TENM1: variants seen among roughly 807,000 people sequenced by gnomAD.
TENM1 encodes the protein teneurin-1.
In TENM1, 35 loss-of-function variants were observed where a neutral mutation model predicts 174.8. The ratio of observed to expected loss-of-function variants is 0.20; its 90% CI spans 0.15 to 0.27. The LOEUF (loss-of-function observed/expected upper bound fraction) is 0.27, where lower values mean the gene tolerates loss of function less well. Among genes scored for constraint, TENM1 ranks in the 10% least tolerant of loss-of-function variants. The probability of loss-of-function intolerance (pLI) is 1.00; values close to 1 mark genes in which losing one functional copy is unlikely to be tolerated. For synonymous variants in TENM1, 781 were observed against 798.7 expected (o/e 0.98, Z 0.37); for missense variants, 1,633 against 2,130.1 (o/e 0.77, Z 4.59).
At chrX:124,673,777 A>G (rs188513446) in intron 5 of TENM1, among the ~76,000 whole-genome samples, 1 of 111,088 alleles carries the variant, frequency 9.0e-6, no homozygotes, top group East Asian at 2.8e-4. Flanking sequence ...TTGTATACAC[A>G]TTCATGCATG....
At chrX:124,668,732 GA>G (rs1569378443) in intron 6 of TENM1, among the ~76,000 whole-genome samples, 1 of 110,652 alleles carries the variant, frequency 9.0e-6, no homozygotes, top group African/African-American at 3.3e-5. Context: ...ATAGCATTAG[GA>G]GATATACCTA....
chrX:124,527,951 C>T (rs1285916573), intron 16 of TENM1, among the ~76,000 whole-genome samples: 6 of 107,441 alleles, frequency 5.6e-5, no homozygotes, highest in African/African-American at 1.0e-4. Flanking sequence ...CCACCGTGCC[C>T]GGCCGACCTC....
exon 4 of TENM1, chrX:124,737,119 C>T (rs1293423465): frequency 8.3e-7 from 1 of 1,207,701 alleles, no homozygotes; most frequent in African/African-American, 1.8e-5. Context: ...CTTCCTGGCA[C>T]AGGTGCAGGC....
rs145180617 is a variant in TENM1, at chrX:124,818,582, C to T, written c.535+75714G>A. On this transcript the variant is annotated intron_variant, in intron 3 of 31. Coordinates refer to ENST00000422452, the Ensembl canonical transcript of TENM1. ...AAAATCTATTATATGGCAGGACATA[C>T]ACTCTTTATAATTCTCCTTTAGAGA... 5.4e-5 allele frequency among the ~76,000 whole-genome samples: 6 copies of T among 111,681 alleles called. No homozygotes were observed. The East Asian group carries it at 1.4e-3, about 26-fold the overall frequency.
chrX:124,660,876 C>A (rs183184764), intron 6 of TENM1, among the ~76,000 whole-genome samples: 1 of 112,056 alleles, frequency 8.9e-6, no homozygotes, highest in Non-Finnish European at 1.9e-5. Context: ...CATTCCACAA[C>A]TTGGTGTATA....
At chrX:124,731,950 T>C (rs1163305401) in intron 4 of TENM1, among the ~76,000 whole-genome samples, 1 of 111,886 alleles carries the variant, frequency 8.9e-6, no homozygotes, top group African/African-American at 3.3e-5. Flanking sequence ...TCTGGTCTTA[T>C]GTAACATTTG....
At chrX:125,155,517 G>A in the TENM1 span, among the ~76,000 whole-genome samples, 1 of 110,376 alleles carries the variant, frequency 9.1e-6, no homozygotes, top group South Asian at 4.0e-4. Context: ...CGTGGAGCAG[G>A]GGGTGGCGCT....
intron 22 of TENM1, among the ~76,000 whole-genome samples, chrX:124,471,114 TAGAG>T (rs1243345950): frequency 1.1e-3 from 99 of 86,589 alleles, no homozygotes; most frequent in African/African-American, 4.1e-3. Flanking sequence ...TCTATATACA[TAGAG>T]AGAAATATAT....
intron 28 of TENM1, among the ~76,000 whole-genome samples, chrX:124,388,147 A>G (rs2060243796): frequency 8.9e-6 from 1 of 111,878 alleles, no homozygotes; most frequent in Non-Finnish European, 1.9e-5. Flanking sequence ...AGTAAATGAC[A>G]TCTGTCACCT....
chrX:124,422,641 G>A lies in TENM1; in HGVS notation c.4105-3C>T, dbSNP rs372941609. ...TCTGTTGGCCACTCTAATCGCACCT[G>A]TGAAACGAACAGAACACATACCATT... On this transcript the variant is annotated splice_polypyrimidine_tract_variant and splice_region_variant and intron_variant, in intron 23 of 31. Transcript: ENST00000422452. 33 of 1,203,132 alleles carry A rather than the reference G, an allele frequency of 2.7e-5. 1 individual carries two copies. The South Asian group carries it at 4.8e-4, about 18-fold the overall frequency.
intron 23 of TENM1, among the ~76,000 whole-genome samples, chrX:124,424,930 T>A: frequency 9.0e-6 from 1 of 111,376 alleles, no homozygotes; most frequent in East Asian, 2.8e-4. Flanking sequence ...GAATCATGCT[T>A]CTTGTACAGC....
the TENM1 span, among the ~76,000 whole-genome samples, chrX:125,079,448 T>C: frequency 8.9e-6 from 1 of 112,219 alleles, no homozygotes; most frequent in Admixed American, 9.5e-5. Flanking sequence ...GAAGAATATA[T>C]TTGAAAGCCA....
chrX:124,594,413 C>A, intron 11 of TENM1, among the ~76,000 whole-genome samples: 1 of 110,438 alleles, frequency 9.1e-6, no homozygotes, highest in South Asian at 3.8e-4. Flanking sequence ...TAGCCAAATG[C>A]CATAGAGTGG....
At chrX:125,045,063 C>T in the TENM1 span, among the ~76,000 whole-genome samples, 3 of 111,123 alleles carry the variant, frequency 2.7e-5, no homozygotes, top group African/African-American at 9.8e-5. Context: ...ACAATCACAG[C>T]GGAAAGGGAA....
At chrX:124,823,675 C>T (rs1000878822) in intron 3 of TENM1, among the ~76,000 whole-genome samples, 1 of 109,359 alleles carries the variant, frequency 9.1e-6, no homozygotes, top group Admixed American at 9.8e-5. Context: ...TTAAAATTTA[C>T]AAAAGTAATA....
the TENM1 span, among the ~76,000 whole-genome samples, chrX:125,171,072 T>C: frequency 5.4e-5 from 6 of 111,252 alleles, no homozygotes; most frequent in Non-Finnish European, 7.6e-5. Context: ...GGAGTTATTT[T>C]GTTTGTTGGT....
At chrX:124,799,884 G>T (rs1011496962) in intron 3 of TENM1, among the ~76,000 whole-genome samples, 23 of 111,982 alleles carry the variant, frequency 2.1e-4, no homozygotes, top group Non-Finnish European at 3.8e-4. Context: ...CATTGCTTCT[G>T]TTTATGTGAT....
At chrX:125,032,538 G>A in the TENM1 span, among the ~76,000 whole-genome samples, 396 of 110,931 alleles carry the variant, frequency 3.6e-3, 4 homozygotes, top group African/African-American at 0.012. Context: ...TTATACAAAA[G>A]CCTTTGGAAG....
At chrX:124,799,833 G>C (rs1249255381) in intron 3 of TENM1, among the ~76,000 whole-genome samples, 1 of 111,459 alleles carries the variant, frequency 9.0e-6, no homozygotes, top group Non-Finnish European at 1.9e-5. Flanking sequence ...TTTTACCAAA[G>C]GCTTTTTCTG....
Sources: allele counts gnomAD v4.1 joint callset (sites outside exome capture counted in the v4.1 genomes callset), GRCh38; gene constraint gnomAD v4.1.1; transcripts MANE v1.5; gene names NCBI Gene and HGNC (gene_info 2026-07-23, HGNC 2026-07-21).